CHODL: variants seen among roughly 807,000 people sequenced by gnomAD.
The protein encoded by CHODL is chondrolectin.
A neutral mutation model predicts 34.5 loss-of-function variants in CHODL; 29 were observed. The ratio of observed to expected loss-of-function variants is 0.84; its 90% CI spans 0.63 to 1.15. The LOEUF (loss-of-function observed/expected upper bound fraction) is 1.15. Ranked by LOEUF, CHODL falls within the 50% of genes most tolerant of loss-of-function variation. CHODL has a pLI of 0.00. For synonymous variants in CHODL, 125 were observed against 116.1 expected (o/e 1.08, Z -0.49); for missense variants, 332 against 332.5 (o/e 1.00, Z 0.01).
intron 2 of CHODL, among the ~76,000 whole-genome samples, chr21:18,044,345 T>G (rs980373270): frequency 1.3e-5 from 2 of 152,034 alleles, no homozygotes; most frequent in Admixed American, 6.6e-5. Flanking sequence ...ATGCTAATAA[T>G]TTAAAATATT....
chr21:18,122,417 G>A (rs2065491052), intron 2 of CHODL, among the ~76,000 whole-genome samples: 1 of 152,102 alleles, frequency 6.6e-6, no homozygotes, highest in East Asian at 1.9e-4. Flanking sequence ...CAGTGTAAGG[G>A]GAAAGTTAGC....
At chr21:17,992,189 GTTTTT>G (rs532294451) in intron 1 of CHODL, among the ~76,000 whole-genome samples, 1 of 152,020 alleles carries the variant, frequency 6.6e-6, no homozygotes, top group Non-Finnish European at 1.5e-5. Flanking sequence ...CTATATGTCT[GTTTTT>G]TATACCAATA....
At chr21:18,061,724 G>A (rs2064668846) in intron 2 of CHODL, among the ~76,000 whole-genome samples, 1 of 152,186 alleles carries the variant, frequency 6.6e-6, no homozygotes, top group African/African-American at 2.4e-5. Flanking sequence ...TGGCAATGAT[G>A]ATGATGAAGA....
intron 2 of CHODL, among the ~76,000 whole-genome samples, chr21:18,193,547 T>C (rs1054267207): frequency 6.6e-6 from 1 of 151,572 alleles, no homozygotes; most frequent in African/African-American, 2.4e-5. Flanking sequence ...AATACAAAAA[T>C]TAGCCACACA....
At chr21:18,234,614 C>T (rs2074012482) in intron 2 of CHODL, among the ~76,000 whole-genome samples, 1 of 152,000 alleles carries the variant, frequency 6.6e-6, no homozygotes, top group South Asian at 2.1e-4. Context: ...ACAATCCACC[C>T]CTTTACCTTT....
chr21:17,921,128 A>G (rs2063180590), intron 1 of CHODL, among the ~76,000 whole-genome samples: 1 of 152,212 alleles, frequency 6.6e-6, no homozygotes, highest in Non-Finnish European at 1.5e-5. Flanking sequence ...TCCTGTGATT[A>G]TAGAGGCTGG....
chr21:18,149,657 A>G (rs1250782133), intron 2 of CHODL, among the ~76,000 whole-genome samples: 3 of 152,200 alleles, frequency 2.0e-5, no homozygotes, highest in Non-Finnish European at 4.4e-5. Context: ...CACATATCAA[A>G]ACATTTAAAG....
chr21:18,204,114 AAATT>A (rs2073686176), intron 2 of CHODL, among the ~76,000 whole-genome samples: 2 of 152,120 alleles, frequency 1.3e-5, no homozygotes, highest in African/African-American at 4.8e-5. Flanking sequence ...TAAAAGTAAC[AAATT>A]AATTAAAGTC....
intron 2 of CHODL, among the ~76,000 whole-genome samples, chr21:18,206,302 A>G (rs533315296): frequency 5.9e-5 from 9 of 152,308 alleles, no homozygotes; most frequent in African/African-American, 2.2e-4. Flanking sequence ...TTTGCTTTGT[A>G]TATCAGAATA....
chr21:18,150,501 C>T (rs944651796), intron 2 of CHODL, among the ~76,000 whole-genome samples: 3 of 152,138 alleles, frequency 2.0e-5, no homozygotes, highest in Non-Finnish European at 1.5e-5. Context: ...AATGCCATCA[C>T]GATTGGGTTC....
chr21:18,227,999 C>T (rs2073946213), intron 2 of CHODL, among the ~76,000 whole-genome samples: 1 of 152,264 alleles, frequency 6.6e-6, no homozygotes, highest in Admixed American at 6.5e-5. Context: ...GGTTGGACCA[C>T]ACTAATTTTT....
At chr21:18,196,933 C>T (rs1343139648) in intron 2 of CHODL, among the ~76,000 whole-genome samples, 2 of 152,092 alleles carry the variant, frequency 1.3e-5, no homozygotes, top group Admixed American at 6.6e-5. Flanking sequence ...ATAATGTATA[C>T]TTGACATTTG....
At position 18,001,619 on chromosome 21, in the gene CHODL, T is replaced by C. The variant is rs542963588; in HGVS notation, c.-144-26253T>C. On this transcript the variant is annotated intron_variant, in intron 1 of 6. Coordinates refer to the CHODL transcript ENST00000400127. Reference sequence around the variant, plus strand: ...CCGTTTACACTATATTACATTGTTATATGTTGCTTCTTCGTGAGTTTTTTT... The same window carrying C: ...CCGTTTACACTATATTACATTGTTACATGTTGCTTCTTCGTGAGTTTTTTT... 2.0e-5 allele frequency among the ~76,000 whole-genome samples: 3 copies of C among 152,322 alleles called. No homozygotes were observed. The South Asian group carries it at 6.2e-4, about 32-fold the overall frequency.
At chr21:18,145,699 C>T (rs1232957616) in intron 2 of CHODL, among the ~76,000 whole-genome samples, 1 of 152,108 alleles carries the variant, frequency 6.6e-6, no homozygotes, top group Non-Finnish European at 1.5e-5. Flanking sequence ...TAAAGAATCT[C>T]AGAAGCTTCC....
chr21:17,933,182 G>A (rs1324847944), intron 1 of CHODL, among the ~76,000 whole-genome samples: 5 of 152,094 alleles, frequency 3.3e-5, no homozygotes, highest in Admixed American at 6.5e-5. Context: ...GCCCAGGGAC[G>A]GGCAGGAGAC....
At chr21:18,121,372 G>T (rs1002542111) in intron 2 of CHODL, among the ~76,000 whole-genome samples, 1 of 152,156 alleles carries the variant, frequency 6.6e-6, no homozygotes. Flanking sequence ...GTCATTCTGG[G>T]CCGCAGGTTG....
intron 2 of CHODL, among the ~76,000 whole-genome samples, chr21:18,117,727 GAAGAAAT>G (rs967761735): frequency 6.1e-4 from 78 of 127,898 alleles, no homozygotes; most frequent in East Asian, 1.8e-3. Context: ...AAATAAATAA[GAAGAAAT>G]AAATAAATAA....
chr21:18,075,030 GGTA>G (rs1180024877), intron 2 of CHODL, among the ~76,000 whole-genome samples: 2 of 152,044 alleles, frequency 1.3e-5, no homozygotes, highest in Admixed American at 6.6e-5. Context: ...AAGAAAAGGG[GGTA>G]GTAAATTGAT....
At chr21:18,240,804 T>C (rs2074074602), upstream of CHODL, among the ~76,000 whole-genome samples, 1 of 152,136 alleles carries the variant, frequency 6.6e-6, no homozygotes, top group Admixed American at 6.5e-5. Context: ...TTAGATCTGA[T>C]AGGATATATT....
Sources: gnomAD v4.1 joint callset for allele counts (sites outside exome capture counted in the v4.1 genomes callset) on GRCh38, gnomAD v4.1.1 for gene constraint, MANE v1.5 for transcripts, NCBI Gene and HGNC (gene_info 2026-07-23, HGNC 2026-07-21) for gene names.